SULT2B1: variants seen among roughly 807,000 people sequenced by gnomAD.
SULT2B1 encodes sulfotransferase family 2B member 1.
A neutral mutation model predicts 33.2 loss-of-function variants in SULT2B1; 16 were observed. That is an observed-to-expected ratio of 0.48 (90% confidence interval 0.33 to 0.73). The LOEUF (loss-of-function observed/expected upper bound fraction) is 0.73. Ranked by LOEUF, SULT2B1 falls within the 30% of genes least tolerant of loss-of-function variation. The pLI is 0.02. For missense variants in SULT2B1, 500 were observed against 506.0 expected (o/e 0.99, Z 0.11); for synonymous variants, 186 against 200.5 (o/e 0.93, Z 0.61).
At position 48,596,933 on chromosome 19, in the gene SULT2B1, G is replaced by C; in HGVS notation, c.826+14G>C. 1 of 1,566,934 alleles carries C rather than the reference G, an allele frequency of 6.4e-7. No individual in the cohort carries two copies. Among genetic ancestry groups the C allele is most frequent in the Non-Finnish European group, 8.6e-7 (1 of 1,162,630 alleles). On this transcript the variant is annotated intron_variant, in intron 6 of 6. Transcript: ENST00000201586. Reference sequence around the variant, plus strand: ...TCCTCCGGAAAGGTGCGGGGGTTCTGGGGTTCAGAGCCCACTAGGCCACTG... The same window carrying C: ...TCCTCCGGAAAGGTGCGGGGGTTCTCGGGTTCAGAGCCCACTAGGCCACTG...
chr19:48,577,157 TG>T (rs1973424762), intron 2 of SULT2B1, among the ~76,000 whole-genome samples: 1 of 149,778 alleles, frequency 6.7e-6, no homozygotes, highest in Non-Finnish European at 1.5e-5. Context: ...CTCAGCCTCC[TG>T]AGTAGCTGGG....
chr19:48,593,106 G>A (rs752923894), intron 5 of SULT2B1, among the ~76,000 whole-genome samples: 2 of 152,184 alleles, frequency 1.3e-5, no homozygotes, highest in East Asian at 1.9e-4. Context: ...AGGGTTGGCC[G>A]GACACAGTGG....
rs578256871 is a variant in SULT2B1 at position 48,552,715 on chromosome 19, C to T, written c.71+392C>T. ...AGTACCCAGGACACCCCATGCAAGC[C>T]CTGAAATAACGGGGGTGCTTGGGGG... On this transcript the variant is annotated intron_variant, in intron 1 of 6. Coordinates refer to ENST00000201586, the MANE Select transcript of SULT2B1 (RefSeq NM_177973.2). This position sits in a 1 kb window ranked among gnomAD's most constrained non-coding sequence, Gnocchi z 4.8. Among the ~76,000 whole-genome samples, 1 of 152,216 alleles carries T rather than the reference C, an allele frequency of 6.6e-6. No individual in the cohort carries two copies. The highest frequency in any genetic ancestry group is 1.5e-5 in the Non-Finnish European group (1 of 68,016).
chr19:48,591,525 G>T, intron 3 of SULT2B1, 84 bp from the exon 4 acceptor site: 2 of 1,464,470 alleles, frequency 1.4e-6, no homozygotes, highest in East Asian at 2.4e-5. Context: ...CAGAAGAGAG[G>T]GGTCTCCAGG....
At chr19:48,571,070 A>C (rs1341748938) in intron 1 of SULT2B1, among the ~76,000 whole-genome samples, 1 of 151,848 alleles carries the variant, frequency 6.6e-6, no homozygotes, top group Non-Finnish European at 1.5e-5. Context: ...CCCAGGCTGG[A>C]GCACGCAGTG....
At position 48,575,977 on chromosome 19, in the gene SULT2B1, C is replaced by T. The variant is rs753892258; in HGVS notation, c.108C>T (p.Gly36=). ...CAGGTGAATACTTCCGGTACAAGGG[C>T]GTCCCCTTCCCCGTCGGCCTGTACT... ...KLPGEYFRYK[G]VPFPVGLYSL... The change falls in exon 2 of 7, where the codon GGC becomes GGT. Residue 36 remains glycine, a synonymous_variant. Transcript: ENST00000201586. 5.0e-6 allele frequency: 8 copies of T among 1,613,894 alleles called. No individual in the cohort carries two copies. In the East Asian group the frequency reaches 1.6e-4, roughly 31 times the overall value.
At chr19:48,582,608 G>A (rs550933695) in intron 2 of SULT2B1, among the ~76,000 whole-genome samples, 10 of 152,136 alleles carry the variant, frequency 6.6e-5, no homozygotes, top group Middle Eastern at 3.2e-3. Flanking sequence ...AGCACTTTGG[G>A]AGGTCGAGGC....
chr19:48,572,006 G>C (rs1011504978), intron 1 of SULT2B1, among the ~76,000 whole-genome samples: 1 of 152,152 alleles, frequency 6.6e-6, no homozygotes, highest in Non-Finnish European at 1.5e-5. Context: ...AGCATGAAGT[G>C]GTCCTTTCAC....
chr19:48,589,641 T>C (rs1452877993), intron 3 of SULT2B1, among the ~76,000 whole-genome samples: 1 of 152,016 alleles, frequency 6.6e-6, no homozygotes, highest in African/African-American at 2.4e-5. Flanking sequence ...CGGGTTATAG[T>C]CAATTACAAT....
Position 48,592,825 on chromosome 19 carries a change from C to G in SULT2B1, c.645+9C>G. ...ACGAGGAGCTGCAGCAGGTGAGTCCCCACCTCCTCCAGGTGCAGCGTCCCC... is the reference window on the plus strand; with the variant it reads ...ACGAGGAGCTGCAGCAGGTGAGTCCGCACCTCCTCCAGGTGCAGCGTCCCC... On this transcript the variant is annotated intron_variant, in intron 5 of 6. Coordinates refer to ENST00000201586, the MANE Select transcript of SULT2B1 (RefSeq NM_177973.2). 5 of 1,555,654 alleles carry G rather than the reference C, an allele frequency of 3.2e-6. No individual in the cohort carries two copies. Among genetic ancestry groups the G allele is most frequent in the Non-Finnish European group, 4.4e-6 (5 of 1,147,694 alleles).
intron 2 of SULT2B1, 69 bp downstream of exon 2, chr19:48,576,152 G>A (rs1973403464): frequency 1.4e-6 from 2 of 1,381,048 alleles, no homozygotes; most frequent in East Asian, 2.3e-5. Context: ...GGACAGGAAA[G>A]GCACATAGAG....
At chr19:48,571,462 G>T (rs1310341438) in intron 1 of SULT2B1, among the ~76,000 whole-genome samples, 1 of 151,866 alleles carries the variant, frequency 6.6e-6, no homozygotes, top group African/African-American at 2.4e-5. Flanking sequence ...CTCCCAAAGT[G>T]CTGGGATTAC....
chr19:48,572,813 A>T (rs1297231518), intron 1 of SULT2B1, among the ~76,000 whole-genome samples: 1 of 152,028 alleles, frequency 6.6e-6, no homozygotes, highest in African/African-American at 2.4e-5. Context: ...ACCAGGACCC[A>T]GTAGTCCATG....
At chr19:48,573,108 G>A (rs1220073643) in intron 1 of SULT2B1, among the ~76,000 whole-genome samples, 1 of 149,250 alleles carries the variant, frequency 6.7e-6, no homozygotes, top group Non-Finnish European at 1.5e-5. Context: ...AGTGAGCCGA[G>A]ATCGTGTCAC....
rs913306840 is a variant in SULT2B1, at chr19:48,559,798, A to G, written c.71+7475A>G. Among the ~76,000 whole-genome samples, 4 of 152,196 alleles carry G rather than the reference A, an allele frequency of 2.6e-5. No homozygotes were observed. The South Asian group carries it at 8.3e-4, about 32-fold the overall frequency. ...GGGACCAGAGCCCCAAGGATCTGGG[A>G]AAGTGGGGACCGTGACACCGCAGGC... On this transcript the variant is annotated intron_variant, in intron 1 of 6. Transcript: ENST00000201586.
At chr19:48,595,312 G>A (rs1433907086) in intron 5 of SULT2B1, among the ~76,000 whole-genome samples, 1 of 151,726 alleles carries the variant, frequency 6.6e-6, no homozygotes, top group Non-Finnish European at 1.5e-5. Context: ...GCACAGGGGA[G>A]GACTAAGGGC....
At chr19:48,571,648 AC>A (rs1382261566) in intron 1 of SULT2B1, among the ~76,000 whole-genome samples, 3 of 97,950 alleles carry the variant, frequency 3.1e-5, no homozygotes, top group African/African-American at 9.3e-5. Flanking sequence ...AAAGAAAAAA[AC>A]ACCAGATTTT....
Position 48,599,063 on chromosome 19 carries a change from G to T in SULT2B1, c.827-72G>T. ...AAAGGCCGGGAAGGGGAAGGAGGTT[G>T]CTGGAATGTTGGAGGTAGGGGCGCA... On this transcript the variant is annotated intron_variant, in intron 6 of 6. Transcript: ENST00000201586. This position sits in a 1 kb window ranked among gnomAD's most constrained non-coding sequence, Gnocchi z 4.1. 1 of 1,517,180 alleles carries T rather than the reference G, an allele frequency of 6.6e-7. No homozygotes were observed. The allele number at this position is 1,517,180 out of a possible 1,614,324, so 94.0% of individuals were successfully genotyped here.
chr19:48,594,445 T>C (rs1477725409), intron 5 of SULT2B1, among the ~76,000 whole-genome samples: 1 of 152,186 alleles, frequency 6.6e-6, no homozygotes, highest in African/African-American at 2.4e-5. Flanking sequence ...GGTAACTTTC[T>C]TTTAATGGAA....
Sources: gnomAD v4.1 joint callset for allele counts (sites outside exome capture counted in the v4.1 genomes callset) on GRCh38, gnomAD v4.1.1 for gene constraint, Gnocchi (gnomAD v3.1) non-coding constraint, MANE v1.5 for transcripts, NCBI Gene and HGNC (gene_info 2026-07-23, HGNC 2026-07-21) for gene names.